SETD1B: variants seen among roughly 807,000 people sequenced by gnomAD.
SETD1B encodes histone-lysine N-methyltransferase SETD1B.
In SETD1B, 7 loss-of-function variants were observed where a neutral mutation model predicts 148.0. The observed-to-expected ratio is 0.05, with a 90% CI of 0.03 to 0.09. The LOEUF is 0.09. SETD1B is among the 10% of genes least tolerant of loss of function. The pLI is 1.00. For missense variants in SETD1B, 2,155 were observed against 2,729.9 expected, an observed-to-expected ratio of 0.79 and a Z score of 4.69; for synonymous variants, 1,361 against 1,186.5, an observed-to-expected ratio of 1.15 and a Z score of -3.02.
chr12:121,828,316 A>C lies in SETD1B; in HGVS notation c.5727+246A>C, dbSNP rs572986512. Among the ~76,000 whole-genome samples, 24 of 152,350 alleles carry C rather than the reference A, an allele frequency of 1.6e-4. 1 individual carries two copies. The highest frequency in any genetic ancestry group is 5.5e-4 in the African/African-American group (23 of 41,592). On this transcript the variant is annotated intron_variant, in intron 16 of 16. Coordinates refer to ENST00000604567, the MANE Select transcript of SETD1B (RefSeq NM_001353345.2). ...ACTTCTGTGGCATTTAGAGGACTCA[A>C]AGAAGTGGTTGGTTCAGTTCATTGG...
At chr12:121,799,513 G>A (rs923639010), upstream of SETD1B, 1 of 152,254 alleles carries the variant, frequency 6.6e-6, no homozygotes, top group Non-Finnish European at 1.5e-5. Flanking sequence ...TTCTGACAGT[G>A]ACCTGTGTCT....
chr12:121,814,386 C>A lies in SETD1B; in HGVS notation c.2171C>A (p.Thr724Lys). The change falls in exon 7 of 17, where the codon ACA (threonine) becomes AAA (lysine). Residue 724 changes from threonine (T) to lysine (K), a missense_variant. By Grantham distance (78) the Thr-to-Lys change is moderately conservative. Transcript: ENST00000604567. ...CCCCCTCCAGCCCACCCTGCTGTGA[C>A]AGTGCCCCCACCACCCTTGCCAGCG... ...PPPPPAHPAV[T>K]VPPPPLPAPP... 8.4e-7 allele frequency: 1 copy of A among 1,193,194 alleles called. No homozygotes were observed. Among genetic ancestry groups the A allele is most frequent in the Non-Finnish European group, 1.1e-6 (1 of 888,894 alleles). 73.9% of individuals were successfully genotyped at this position (1,193,194 alleles called of 1,614,324 possible).
At chr12:121,803,947 G>A, upstream of SETD1B, 1 of 159,314 alleles carries the variant, frequency 6.3e-6, no homozygotes, top group Non-Finnish European at 1.4e-5. The surrounding 1 kb of genome is among the most constrained non-coding windows in gnomAD (Gnocchi z 4.7). Flanking sequence ...GAGGGGAGGA[G>A]GAAGAGGAGG....
Position 121,823,454 on chromosome 12 carries a change from C to G in SETD1B, c.4875C>G (p.Arg1625=). Residue 1625 remains arginine, a synonymous_variant, in exon 12 of 17, where the codon CGC becomes CGG. Transcript: ENST00000604567. ...CCATTCCTCCGGGCCCCCGTGGGCGCGATGAGGTCACTGAGGAATACATGG... is the reference window on the plus strand; with the variant it reads ...CCATTCCTCCGGGCCCCCGTGGGCGGGATGAGGTCACTGAGGAATACATGG... ...SEAIPPGPRG[R]DEVTEEYMEL... 6.5e-7 allele frequency: 1 copy of G among 1,549,894 alleles called. No individual in the cohort carries two copies. Among genetic ancestry groups the G allele is most frequent in the Non-Finnish European group, 8.7e-7 (1 of 1,146,814 alleles).
chr12:121,820,107 G>A (rs1876498136), intron 11 of SETD1B, among the ~76,000 whole-genome samples: 1 of 152,252 alleles, frequency 6.6e-6, no homozygotes, highest in South Asian at 2.1e-4. Flanking sequence ...ACCCAAAGGG[G>A]AACGACTGCT....
intron 6 of SETD1B, among the ~76,000 whole-genome samples, chr12:121,812,338 C>A (rs1045489574): frequency 6.6e-6 from 1 of 152,208 alleles, no homozygotes; most frequent in African/African-American, 2.4e-5. Flanking sequence ...CCTGCCAAGT[C>A]ACTTACTGGT....
chr12:121,792,540 T>A, the SETD1B span, among the ~76,000 whole-genome samples: 1 of 152,216 alleles, frequency 6.6e-6, no homozygotes, highest in Non-Finnish European at 1.5e-5. Context: ...CACTGTCTGG[T>A]TTTGTCCCAG....
intron 7 of SETD1B, among the ~76,000 whole-genome samples, chr12:121,816,809 A>G (rs765459743): frequency 2.6e-5 from 4 of 152,276 alleles, no homozygotes; most frequent in Non-Finnish European, 5.9e-5. Flanking sequence ...AGGCAGGTAC[A>G]GTAGTCCTAT....
chr12:121,806,024 C>A lies in SETD1B; in HGVS notation c.463C>A (p.Arg155=). ...GIAKVVFATV[R]GAKDAVQHLH... Reference sequence around the variant, plus strand: ...CGCCAAGGTGGTCTTTGCCACGGTCCGGGGAGCCAAGGATGCCGTTCAGCA... The same window carrying A: ...CGCCAAGGTGGTCTTTGCCACGGTCAGGGGAGCCAAGGATGCCGTTCAGCA... Residue 155 remains arginine, a synonymous_variant, in exon 4 of 17, where the codon CGG becomes AGG. Coordinates refer to ENST00000604567, the MANE Select transcript of SETD1B (RefSeq NM_001353345.2). The A allele has an allele frequency of 1.9e-6, 3 of 1,551,628 alleles. No homozygotes were observed. The highest frequency in any genetic ancestry group is 2.6e-6 in the Non-Finnish European group (3 of 1,146,964).
At chr12:121,824,003 CAT>C (rs781464443) in intron 12 of SETD1B, among the ~76,000 whole-genome samples, 5 of 152,256 alleles carry the variant, frequency 3.3e-5, no homozygotes, top group Non-Finnish European at 5.9e-5. Flanking sequence ...CTCAGGGTCA[CAT>C]GTAACAGCAG....
chr12:121,796,789 C>T, the SETD1B span, among the ~76,000 whole-genome samples: 1 of 152,206 alleles, frequency 6.6e-6, no homozygotes, highest in African/African-American at 2.4e-5. Context: ...TGCCTGTAAT[C>T]CCAGCACTTT....
the SETD1B span, chr12:121,794,197 A>T: frequency 6.5e-6 from 1 of 152,898 alleles, no homozygotes; most frequent in Non-Finnish European, 1.5e-5. Context: ...CGGTGGCACC[A>T]GGGAAGATGC....
At chr12:121,792,103 G>C in the SETD1B span, among the ~76,000 whole-genome samples, 1 of 132,190 alleles carries the variant, frequency 7.6e-6, no homozygotes, top group Non-Finnish European at 1.5e-5. Context: ...CGGAATGGAG[G>C]GGGGCTCTGA....
upstream of SETD1B, chr12:121,800,767 G>C (rs1365682199): frequency 6.7e-6 from 1 of 148,492 alleles, no homozygotes; most frequent in Non-Finnish European, 1.5e-5. Context: ...GGCGCGCGAC[G>C]CCCCCGAGGC....
At position 121,825,917 on chromosome 12, in the gene SETD1B, A is replaced by G. The variant is rs1339375117; in HGVS notation, c.5337+551A>G. On this transcript the variant is annotated intron_variant, in intron 13 of 16. Coordinates refer to ENST00000604567, the MANE Select transcript of SETD1B (RefSeq NM_001353345.2). Reference sequence around the variant, plus strand: ...TGCCTTGGTCTCCCAAACTGCTGGGATTATAAGCATAAGCCACATCGCATG... The same window carrying G: ...TGCCTTGGTCTCCCAAACTGCTGGGGTTATAAGCATAAGCCACATCGCATG... 3.9e-5 allele frequency among the ~76,000 whole-genome samples: 6 copies of G among 152,132 alleles called. No individual in the cohort carries two copies. The South Asian group carries it at 6.2e-4, about 16-fold the overall frequency.
Position 121,830,937 on chromosome 12 carries a change from C to G in SETD1B, c.*698C>G, listed in dbSNP as rs1325429794. On this transcript the variant is annotated 3_prime_UTR_variant, in exon 17 of 17. Transcript: ENST00000604567. This position sits in a 1 kb window ranked among gnomAD's most constrained non-coding sequence, Gnocchi z 5.7. ...TGGGGCACCACTGACCCGGTGGACC[C>G]TGATGGAGCTAAGCTGTCCCAGGCA... 1 of 152,506 alleles carries G rather than the reference C, an allele frequency of 6.6e-6. No homozygotes were observed. The highest frequency in any genetic ancestry group is 1.5e-5 in the Non-Finnish European group (1 of 68,246). 9.4% of individuals were successfully genotyped at this position (152,506 alleles called of 1,614,324 possible).
chr12:121,815,019 A>C (rs1876223812), intron 7 of SETD1B, 89 bp downstream of exon 7: 11 of 1,240,030 alleles, frequency 8.9e-6, no homozygotes, highest in Non-Finnish European at 1.2e-5. Flanking sequence ...GAGACTGTTA[A>C]CTGGAAACGC....
At chr12:121,806,239 C>A (rs1007381529) in intron 4 of SETD1B, 134 bp downstream of exon 4, 22 of 987,472 alleles carry the variant, frequency 2.2e-5, no homozygotes, top group Non-Finnish European at 3.1e-5. Flanking sequence ...TTTCTTAGCC[C>A]CCTCCTGAGG....
chr12:121,793,093 G>A, the SETD1B span: 2 of 1,428,760 alleles, frequency 1.4e-6, no homozygotes, highest in East Asian at 2.5e-5. Flanking sequence ...GGACGCCCGG[G>A]AGGGGAAACC....
Sources: gnomAD v4.1 joint callset for allele counts (sites outside exome capture counted in the v4.1 genomes callset) on GRCh38, gnomAD v4.1.1 for gene constraint, Gnocchi (gnomAD v3.1) non-coding constraint, MANE v1.5 for transcripts, NCBI Gene and HGNC (gene_info 2026-07-23, HGNC 2026-07-21) for gene names.